CATSPERB: variants seen among roughly 807,000 people sequenced by gnomAD.
The protein encoded by CATSPERB is catsper channel auxiliary subunit beta.
Under a neutral mutation model 128.3 loss-of-function variants are expected in CATSPERB, and 93 were observed. That is an observed-to-expected ratio of 0.72 (90% CI 0.61 to 0.86). CATSPERB has a LOEUF of 0.86. CATSPERB is among the 40% of genes least tolerant of loss of function. CATSPERB has a pLI of 0.00. For missense variants in CATSPERB, 1,153 were observed against 1,329.5 expected (o/e 0.87, Z 2.06); for synonymous variants, 381 against 448.8 (o/e 0.85, Z 1.91).
intron 2 of CATSPERB, among the ~76,000 whole-genome samples, chr14:91,728,633 G>C (rs1324697696): frequency 1.3e-5 from 2 of 152,282 alleles, no homozygotes; most frequent in South Asian, 2.1e-4. Context: ...TCAGATTATA[G>C]AGTTTGCTAG....
At position 91,669,809 on chromosome 14, in the gene CATSPERB, C is replaced by T. The variant is rs183182433; in HGVS notation, c.1287+5G>A. On this transcript the variant is annotated splice_donor_5th_base_variant and intron_variant, in intron 14 of 26. Transcript: ENST00000256343. Reference sequence around the variant, plus strand: ...AACACAGACTGAAGTTCCATGTGTACGCACCTGATTGCCATAAGCATACAA... The same window carrying T: ...AACACAGACTGAAGTTCCATGTGTATGCACCTGATTGCCATAAGCATACAA... The T allele has an allele frequency of 2.2e-5, 36 of 1,608,836 alleles. No homozygotes were observed. Among genetic ancestry groups the T allele is most frequent in the Admixed American group, 8.5e-5 (5 of 58,880 alleles).
chr14:91,637,612 C>T (rs1329070268), intron 16 of CATSPERB, among the ~76,000 whole-genome samples: 1 of 152,118 alleles, frequency 6.6e-6, no homozygotes, highest in Non-Finnish European at 1.5e-5. Context: ...GTCTGTGCCT[C>T]GCTTTCTTCA....
At chr14:91,606,477 C>T (rs1893706181) in intron 22 of CATSPERB, among the ~76,000 whole-genome samples, 2 of 152,070 alleles carry the variant, frequency 1.3e-5, no homozygotes, top group African/African-American at 2.4e-5. Flanking sequence ...GCAGGAGAAT[C>T]GCTTGAACCC....
At chr14:91,663,274 A>G (rs1894917095) in intron 14 of CATSPERB, among the ~76,000 whole-genome samples, 1 of 152,162 alleles carries the variant, frequency 6.6e-6, no homozygotes, top group Non-Finnish European at 1.5e-5. Flanking sequence ...GTAACTTAAG[A>G]TCAGTCTTCA....
At chr14:91,582,350 T>C (rs1893220041) in intron 26 of CATSPERB, among the ~76,000 whole-genome samples, 1 of 152,232 alleles carries the variant, frequency 6.6e-6, no homozygotes, top group Non-Finnish European at 1.5e-5. Flanking sequence ...CCTGGCTTTC[T>C]TCTAAATAAC....
intron 20 of CATSPERB, among the ~76,000 whole-genome samples, chr14:91,612,509 T>G (rs537867184): frequency 6.6e-6 from 1 of 152,324 alleles, no homozygotes; most frequent in African/African-American, 2.4e-5. Flanking sequence ...TTCATAAAGA[T>G]AGATTTTTAT....
At chr14:91,709,170 G>T (rs1895788005) in intron 5 of CATSPERB, 1 of 152,198 alleles carries the variant, frequency 6.6e-6, no homozygotes, top group Non-Finnish European at 1.5e-5. Flanking sequence ...TGCTATCTGT[G>T]CCTCTTGCTG....
chr14:91,616,845 G>C (rs1640870743), intron 20 of CATSPERB, among the ~76,000 whole-genome samples: 1 of 145,672 alleles, frequency 6.9e-6, no homozygotes, highest in East Asian at 2.1e-4. Flanking sequence ...AGGTTCAAGT[G>C]ATTCTCCTGC....
At chr14:91,692,958 T>C (rs1895496301) in intron 9 of CATSPERB, among the ~76,000 whole-genome samples, 168 bp downstream of exon 9, 2 of 152,212 alleles carry the variant, frequency 1.3e-5, no homozygotes, top group Non-Finnish European at 2.9e-5. Context: ...ATATATTCAA[T>C]ACTACGAGGT....
chr14:91,613,717 G>A (rs1488707722), intron 20 of CATSPERB, among the ~76,000 whole-genome samples: 1 of 152,152 alleles, frequency 6.6e-6, no homozygotes, highest in Non-Finnish European at 1.5e-5. Flanking sequence ...GGCTTATTAG[G>A]CCCTAGTTGG....
intron 22 of CATSPERB, among the ~76,000 whole-genome samples, chr14:91,596,691 C>G (rs1332568396): frequency 5.9e-5 from 9 of 152,104 alleles, no homozygotes; most frequent in Non-Finnish European, 7.4e-5. Context: ...TAAGTTATAT[C>G]AGAATTACAG....
chr14:91,699,683 C>T (rs1310662383), intron 7 of CATSPERB, among the ~76,000 whole-genome samples: 1 of 151,500 alleles, frequency 6.6e-6, no homozygotes, highest in Non-Finnish European at 1.5e-5. Flanking sequence ...AAGAGATTCT[C>T]CTGCCTCAGC....
intron 19 of CATSPERB, among the ~76,000 whole-genome samples, chr14:91,617,953 C>T (rs2139784273): frequency 6.6e-6 from 1 of 152,264 alleles, no homozygotes; most frequent in South Asian, 2.1e-4. Flanking sequence ...GTTCTTGAAT[C>T]TCACACAAGA....
intron 14 of CATSPERB, among the ~76,000 whole-genome samples, chr14:91,668,338 GCT>G (rs1368444720): frequency 6.6e-6 from 1 of 150,412 alleles, no homozygotes; most frequent in African/African-American, 2.4e-5. Context: ...ACCAATCAGT[GCT>G]CTGTGTCTAG....
chr14:91,604,614 A>G (rs144200130), intron 22 of CATSPERB: 2 of 1,611,056 alleles, frequency 1.2e-6, no homozygotes, highest in African/African-American at 2.7e-5. Flanking sequence ...GGACTGTTCC[A>G]GGCCTGATTG....
intron 17 of CATSPERB, among the ~76,000 whole-genome samples, chr14:91,628,898 G>C (rs996237271): frequency 1.3e-5 from 2 of 152,154 alleles, no homozygotes; most frequent in Non-Finnish European, 2.9e-5. Context: ...GTGAATAATA[G>C]GAACTCTCGT....
At position 91,621,830 on chromosome 14, in the gene CATSPERB, T is replaced by A. The variant is rs934534092; in HGVS notation, c.2038A>T (p.Ile680Phe). ...GGTGCACTTTCAGGCATGGTAGCAA[T>A]GGCTAATGCATTCTTATTATCTAAA... ...SILDNKNALAIATMPESAPNN... is the reference protein window; with the variant it reads ...SILDNKNALAFATMPESAPNN... Residue 680 changes from isoleucine to phenylalanine, a missense_variant, in exon 19 of 27, where the codon ATT becomes TTT. Ile to Phe is a conservative substitution (Grantham distance 21). Transcript: ENST00000256343. 1 of 1,614,150 alleles carries A rather than the reference T, an allele frequency of 6.2e-7. No individual in the cohort carries two copies. The highest frequency in any genetic ancestry group is 1.1e-5 in the South Asian group (1 of 91,084).
At chr14:91,727,746 G>A (rs561544994) in intron 2 of CATSPERB, among the ~76,000 whole-genome samples, 13 of 152,262 alleles carry the variant, frequency 8.5e-5, no homozygotes, top group African/African-American at 3.1e-4. Flanking sequence ...TAAACAGAAG[G>A]AAACTAACTC....
Position 91,621,839 on chromosome 14 carries a change from C to T in CATSPERB, c.2029G>A (p.Ala677Thr), listed in dbSNP as rs1468823329. 6.2e-7 allele frequency: 1 copy of T among 1,613,948 alleles called. No individual in the cohort carries two copies. The highest frequency in any genetic ancestry group is 2.2e-5 in the East Asian group (1 of 44,874). ...TCAGGCATGGTAGCAATGGCTAATG[C>T]ATTCTTATTATCTAAAATGCTTGTG... ...LITSILDNKN[A>T]LAIATMPESA... Residue 677 changes from alanine to threonine, a missense_variant, in exon 19 of 27, where the codon GCA (alanine) becomes ACA (threonine). Coordinates refer to ENST00000256343, the MANE Select transcript of CATSPERB (RefSeq NM_024764.4).
Sources: allele counts gnomAD v4.1 joint callset (sites outside exome capture counted in the v4.1 genomes callset), GRCh38; gene constraint gnomAD v4.1.1; transcripts MANE v1.5; gene names NCBI Gene and HGNC (gene_info 2026-07-23, HGNC 2026-07-21).